NRG1: variants seen among roughly 807,000 people sequenced by gnomAD.
NRG1 encodes pro-neuregulin-1, membrane-bound isoform.
In NRG1, 18 loss-of-function variants were observed where a neutral mutation model predicts 63.8. The observed-to-expected ratio is 0.28, with a 90% CI of 0.19 to 0.42. The LOEUF (loss-of-function observed/expected upper bound fraction) is 0.42, where lower values mean the gene tolerates loss of function less well. Ranked by LOEUF, NRG1 falls within the 10% of genes least tolerant of loss-of-function variation. The probability of loss-of-function intolerance (pLI) is 1.00; values close to 1 mark genes in which losing one functional copy is unlikely to be tolerated. For synonymous variants in NRG1, 302 were observed against 301.3 expected (o/e 1.00, Z -0.02); for missense variants, 762 against 814.7 (o/e 0.94, Z 0.79).
At chr8:32,048,444 T>C (rs1424970969) in intron 1 of NRG1, among the ~76,000 whole-genome samples, 2 of 2,576 alleles carry the variant, frequency 7.8e-4, no homozygotes, top group African/African-American at 8.4e-4. Flanking sequence ...CATATATACA[T>C]ACATATATAT....
chr8:32,633,597 G>A (rs1331255365), intron 5 of NRG1, among the ~76,000 whole-genome samples: 2 of 152,152 alleles, frequency 1.3e-5, no homozygotes, highest in African/African-American at 2.4e-5. Flanking sequence ...ACTCCACTAT[G>A]TGTCAACTGC....
At chr8:31,834,611 T>A (rs1462331535) in intron 1 of NRG1, among the ~76,000 whole-genome samples, 1 of 152,170 alleles carries the variant, frequency 6.6e-6, no homozygotes, top group Non-Finnish European at 1.5e-5. Context: ...CTCTGGAGGC[T>A]GAGGTGAGAG....
At chr8:31,734,240 C>T (rs79698474) in intron 1 of NRG1, among the ~76,000 whole-genome samples, 4,421 of 152,224 alleles carry the variant, frequency 0.029, 218 homozygotes, top group African/African-American at 0.099. Context: ...GCAGGAAGAT[C>T]GCTTGAGCCC....
At chr8:32,420,542 T>C (rs1816579934) in intron 1 of NRG1, among the ~76,000 whole-genome samples, 1 of 140,366 alleles carries the variant, frequency 7.1e-6, no homozygotes, top group Non-Finnish European at 1.5e-5. Flanking sequence ...TCTCTCTCTC[T>C]TTTTTTTTTT....
chr8:31,656,819 G>A (rs960449875), intron 1 of NRG1, among the ~76,000 whole-genome samples: 1 of 152,156 alleles, frequency 6.6e-6, no homozygotes, highest in African/African-American at 2.4e-5. Context: ...ACCATTCATA[G>A]CTGGTACCCA....
chr8:32,121,091 C>T (rs771122044), intron 1 of NRG1, among the ~76,000 whole-genome samples: 1 of 151,984 alleles, frequency 6.6e-6, no homozygotes, highest in African/African-American at 2.4e-5. Context: ...ATTATGCACA[C>T]CTTGGCTTAC....
chr8:32,641,884 T>C (rs1483612929), intron 5 of NRG1, among the ~76,000 whole-genome samples: 1 of 152,192 alleles, frequency 6.6e-6, no homozygotes, highest in Non-Finnish European at 1.5e-5. Context: ...TTTTGCATCA[T>C]AAATAATGTA....
intron 1 of NRG1, among the ~76,000 whole-genome samples, chr8:31,770,957 T>C (rs1818567354): frequency 4.6e-5 from 7 of 152,056 alleles, no homozygotes; most frequent in Admixed American, 4.6e-4. Flanking sequence ...GAAATCAACA[T>C]TGGTAAATGC....
intron 1 of NRG1, among the ~76,000 whole-genome samples, chr8:31,893,471 G>T (rs967722602): frequency 6.6e-6 from 1 of 151,084 alleles, no homozygotes; most frequent in East Asian, 1.9e-4. Context: ...AATGGTAAAC[G>T]TTTTATATGT....
At chr8:32,185,660 G>A (rs370469587) in intron 1 of NRG1, among the ~76,000 whole-genome samples, 3 of 152,072 alleles carry the variant, frequency 2.0e-5, no homozygotes, top group Admixed American at 6.6e-5. Context: ...GTATAATTCC[G>A]GTTGACTTTG....
chr8:32,016,198 G>GAT (rs564578823), intron 1 of NRG1, among the ~76,000 whole-genome samples: 10 of 151,886 alleles, frequency 6.6e-5, no homozygotes, highest in South Asian at 6.2e-4. Context: ...TTAGGAAAAA[G>GAT]ATATATATAT....
At chr8:32,676,848 A>C (rs1474825224) in intron 5 of NRG1, among the ~76,000 whole-genome samples, 2 of 152,184 alleles carry the variant, frequency 1.3e-5, no homozygotes, top group African/African-American at 4.8e-5. Context: ...AGTTTCTTCC[A>C]TTTACAGTAA....
intron 1 of NRG1, among the ~76,000 whole-genome samples, chr8:32,487,658 T>G (rs1042545215): frequency 1.3e-5 from 2 of 152,174 alleles, no homozygotes; most frequent in Non-Finnish European, 2.9e-5. Flanking sequence ...TTCCCTGGAG[T>G]GCAGACTGTC....
At chr8:32,760,384 C>G (rs1407040962) in exon 11 of NRG1, 2 of 1,613,710 alleles carry the variant, frequency 1.2e-6, no homozygotes. Flanking sequence ...TGATTCCTAC[C>G]GAGACTCTCC....
At chr8:32,264,778 G>C (rs60229978) in intron 1 of NRG1, among the ~76,000 whole-genome samples, 6,023 of 151,902 alleles carry the variant, frequency 0.04, 204 homozygotes, top group African/African-American at 0.092. Flanking sequence ...AGAAATTACT[G>C]CTCTATTAGT....
chr8:32,156,440 C>T (rs1176041659), intron 1 of NRG1, among the ~76,000 whole-genome samples: 1 of 152,236 alleles, frequency 6.6e-6, no homozygotes, highest in East Asian at 1.9e-4. Context: ...TCTTCTCCTT[C>T]ACCAGAGTGT....
chr8:32,570,873 G>A (rs1046036506), intron 1 of NRG1, among the ~76,000 whole-genome samples: 1 of 152,194 alleles, frequency 6.6e-6, no homozygotes, highest in Non-Finnish European at 1.5e-5. Flanking sequence ...ACAGACAGGA[G>A]TGTAGGTGAA....
chr8:31,948,841 C>T (rs1208363693), intron 1 of NRG1, among the ~76,000 whole-genome samples: 4 of 152,138 alleles, frequency 2.6e-5, no homozygotes, highest in Non-Finnish European at 5.9e-5. Flanking sequence ...GGGTGGCCAA[C>T]CTGAGACAAG....
chr8:32,741,903 A>G, intron 6 of NRG1, 105 bp from the exon 7 acceptor site: 1 of 783,314 alleles, frequency 1.3e-6, no homozygotes, highest in Non-Finnish European at 2.2e-6. Context: ...GCTTGGTACC[A>G]GATCATTTTT....
Sources: gnomAD v4.1 joint callset for allele counts (sites outside exome capture counted in the v4.1 genomes callset) on GRCh38, gnomAD v4.1.1 for gene constraint, MANE v1.5 for transcripts, NCBI Gene and HGNC (gene_info 2026-07-23, HGNC 2026-07-21) for gene names.